BABAM2: variants seen among roughly 807,000 people sequenced by gnomAD.
BABAM2 encodes the protein BRISC and BRCA1 A complex member 2.
In BABAM2, 31 loss-of-function variants were observed where a neutral mutation model predicts 54.7. The observed-to-expected ratio is 0.57, with a 90% confidence interval of 0.43 to 0.77. The LOEUF (loss-of-function observed/expected upper bound fraction) is 0.77. BABAM2 is among the 30% of genes least tolerant of loss of function. BABAM2 has a pLI of 0.00. For missense variants in BABAM2, 364 were observed against 455.8 expected (o/e 0.80, Z 1.83); for synonymous variants, 167 against 162.9 (o/e 1.03, Z -0.19).
rs146935122 is a variant in BABAM2, at chr2:28,260,443, A to G, written c.934+15581A>G. Among the ~76,000 whole-genome samples, 596 of 149,316 alleles carry G rather than the reference A, an allele frequency of 4.0e-3. 6 individuals are homozygous for G. The highest frequency in any genetic ancestry group is 0.014 in the African/African-American group (552 of 39,164). ...TAGCCTCCTGAGTAGCTGGGATTAC[A>G]GGTGCCTACCACCACGCCCGGCTAA... On this transcript the variant is annotated intron_variant, in intron 10 of 11. Transcript: ENST00000379624.
chr2:28,007,412 T>G (rs1008486091), intron 4 of BABAM2, among the ~76,000 whole-genome samples: 5 of 152,038 alleles, frequency 3.3e-5, no homozygotes, highest in African/African-American at 1.2e-4. Context: ...ATGGAAGAAA[T>G]TTGATCAAAA....
rs767298860 is a variant in BABAM2, at chr2:28,025,223, C to T, written c.301-3C>T. 3 of 1,579,858 alleles carry T rather than the reference C, an allele frequency of 1.9e-6. No homozygotes were observed. In the East Asian group the frequency reaches 6.7e-5, roughly 35 times the overall value. On this transcript the variant is annotated splice_polypyrimidine_tract_variant and splice_region_variant and intron_variant, in intron 4 of 11. Coordinates refer to ENST00000379624, the MANE Select transcript of BABAM2 (RefSeq NM_199191.3). Reference sequence around the variant, plus strand: ...GGTCTTTTATTTGTTACGACTTCTACAGAATCTTGCCTCCTGGAATCCTTC... The same window carrying T: ...GGTCTTTTATTTGTTACGACTTCTATAGAATCTTGCCTCCTGGAATCCTTC...
At position 27,931,485 on chromosome 2, in the gene BABAM2, G is replaced by A. The variant is rs1474590594; in HGVS notation, c.205+1577G>A. On this transcript the variant is annotated intron_variant, in intron 3 of 11. Transcript: ENST00000379624. ...ACATTGTTATCTTTTGACTTCCTGC[G>A]CTGATACATGAAGCATCAGCCTGTT... Among the ~76,000 whole-genome samples the A allele has an allele frequency of 2.6e-4, 39 of 152,000 alleles. 1 individual carries two copies. Among genetic ancestry groups the A allele is most frequent in the Admixed American group, 2.4e-3 (37 of 15,264 alleles).
In BABAM2 at chr2:28,034,405, G is replaced by T. The variant is rs1031554916; in HGVS notation, c.495+8985G>T. The stretch of plus-strand genomic sequence containing the variant: ...GAGAGTTAAGTAAATATGGAGTCAA[G>T]TAATACAAAGTGTTATTATTACTAT... On this transcript the variant is annotated intron_variant, in intron 5 of 11. Transcript: ENST00000379624. Among the ~76,000 whole-genome samples, 6 of 152,308 alleles carry T rather than the reference G, an allele frequency of 3.9e-5. No homozygotes were observed. In the South Asian group the frequency reaches 1.2e-3, roughly 32 times the overall value.
At chr2:28,147,807 T>G (rs1377178929) in intron 7 of BABAM2, among the ~76,000 whole-genome samples, 1 of 152,170 alleles carries the variant, frequency 6.6e-6, no homozygotes, top group Admixed American at 6.5e-5. Flanking sequence ...ATAGGACACA[T>G]GTCTCAACGT....
chr2:28,152,851 C>T (rs1030733239), intron 7 of BABAM2, among the ~76,000 whole-genome samples: 4 of 152,134 alleles, frequency 2.6e-5, no homozygotes, highest in Non-Finnish European at 4.4e-5. Context: ...CAGTTCATTT[C>T]GCTGGTGATT....
intron 2 of BABAM2, among the ~76,000 whole-genome samples, chr2:27,918,020 TA>T (rs1218394926): frequency 6.6e-6 from 1 of 152,192 alleles, no homozygotes; most frequent in Non-Finnish European, 1.5e-5. Context: ...CCAACATGAG[TA>T]TTTTAATTAC....
At chr2:28,147,698 C>T (rs768375502) in intron 7 of BABAM2, among the ~76,000 whole-genome samples, 14 of 152,192 alleles carry the variant, frequency 9.2e-5, no homozygotes, top group Non-Finnish European at 2.1e-4. Context: ...TGGTCTCGAT[C>T]TCCTGACCTC....
At chr2:28,176,829 A>G (rs1201900268) in intron 7 of BABAM2, among the ~76,000 whole-genome samples, 1 of 142,372 alleles carries the variant, frequency 7.0e-6, no homozygotes, top group Non-Finnish European at 1.6e-5. Context: ...TTTTGAAATA[A>G]CCCAGTCAGA....
intron 6 of BABAM2, among the ~76,000 whole-genome samples, chr2:28,114,054 A>C (rs57332301): frequency 0.12 from 17,565 of 152,194 alleles, 1,490 homozygotes; most frequent in African/African-American, 0.23. Context: ...GATAAACACA[A>C]AGCCAATATC....
At chr2:27,908,322 A>G (rs1052988839) in intron 2 of BABAM2, among the ~76,000 whole-genome samples, 1 of 151,776 alleles carries the variant, frequency 6.6e-6, no homozygotes, top group African/African-American at 2.4e-5. Flanking sequence ...TCCAGTTTGG[A>G]GTGCAGTGAT....
rs866502333 is a variant in BABAM2 at position 28,167,709 on chromosome 2, T to A, written c.680+38329T>A. On this transcript the variant is annotated intron_variant, in intron 7 of 11. Transcript: ENST00000379624. Reference sequence around the variant, plus strand: ...ACTCCATCTCAAAAAAATAAATAAATAAATAAATAAATAAATAAATAAATA... The same window carrying A: ...ACTCCATCTCAAAAAAATAAATAAAAAAATAAATAAATAAATAAATAAATA... Among the ~76,000 whole-genome samples, 663 of 147,746 alleles carry A rather than the reference T, an allele frequency of 4.5e-3. 3 individuals are homozygous for A. The highest frequency in any genetic ancestry group is 6.7e-3 in the Admixed American group (99 of 14,842).
intron 7 of BABAM2, among the ~76,000 whole-genome samples, chr2:28,137,032 T>G (rs2147726955): frequency 6.6e-6 from 1 of 152,320 alleles, no homozygotes; most frequent in South Asian, 2.1e-4. Context: ...AATTTTTATT[T>G]TAGATGCTTA....
rs138402024 is a variant in BABAM2 at position 28,278,533 on chromosome 2, G to A, written c.935-19805G>A. On this transcript the variant is annotated intron_variant, in intron 10 of 11. Coordinates refer to ENST00000379624, the MANE Select transcript of BABAM2 (RefSeq NM_199191.3). ...AAGAGTGGAAATTTTAAGAGTACCAGAATCTGGAGGAAAGTGAGTGAGTTT... is the reference window on the plus strand; with the variant it reads ...AAGAGTGGAAATTTTAAGAGTACCAAAATCTGGAGGAAAGTGAGTGAGTTT... 5.3e-4 allele frequency among the ~76,000 whole-genome samples: 80 copies of A among 152,156 alleles called. 1 individual carries two copies. The highest frequency in any genetic ancestry group is 1.7e-3 in the African/African-American group (72 of 41,494).
Position 28,267,428 on chromosome 2 carries a change from CACACACACAT to C in BABAM2, c.934+22576_934+22585del, listed in dbSNP as rs1197185064. ...TTGCTTCATTTACACTGACTAGACA[CACACACACAT>C]ACACACACACACACACACACACACA... On this transcript the variant is annotated intron_variant, in intron 10 of 11. Transcript: ENST00000379624. Among the ~76,000 whole-genome samples, 14 of 146,870 alleles carry C rather than the reference CACACACACAT, an allele frequency of 9.5e-5. No individual in the cohort carries two copies. In the South Asian group the frequency reaches 1.7e-3, roughly 18 times the overall value.
chr2:28,009,786 T>C (rs1410187276), intron 4 of BABAM2, among the ~76,000 whole-genome samples: 2 of 152,160 alleles, frequency 1.3e-5, no homozygotes, highest in Non-Finnish European at 2.9e-5. Flanking sequence ...GCAGTCACCA[T>C]GGCTGCCTTC....
At chr2:27,918,551 T>C (rs1253982689) in intron 2 of BABAM2, among the ~76,000 whole-genome samples, 5 of 152,182 alleles carry the variant, frequency 3.3e-5, no homozygotes, top group African/African-American at 4.8e-5. Flanking sequence ...CTTGGATTGC[T>C]TCTACCTTTT....
chr2:28,103,399 A>G (rs1024027993), intron 6 of BABAM2, among the ~76,000 whole-genome samples: 1 of 152,040 alleles, frequency 6.6e-6, no homozygotes, highest in Non-Finnish European at 1.5e-5. Flanking sequence ...TAGAGCCACA[A>G]TCTCCTGGGT....
chr2:27,937,463 C>T lies in BABAM2; in HGVS notation c.205+7555C>T, dbSNP rs181390797. 1.7e-4 allele frequency among the ~76,000 whole-genome samples: 26 copies of T among 152,254 alleles called. 1 individual carries two copies. Among genetic ancestry groups the T allele is most frequent in the East Asian group, 5.8e-4 (3 of 5,160 alleles). On this transcript the variant is annotated intron_variant, in intron 3 of 11. Coordinates refer to ENST00000379624, the MANE Select transcript of BABAM2 (RefSeq NM_199191.3). ...ATTTTTGATCAACTGGTTTGCTGAA[C>T]GCATGGATGTGGAACCCACGGATAG...
Sources: allele counts gnomAD v4.1 joint callset (sites outside exome capture counted in the v4.1 genomes callset), GRCh38; gene constraint gnomAD v4.1.1; transcripts MANE v1.5; gene names NCBI Gene and HGNC (gene_info 2026-07-23, HGNC 2026-07-21).